The following RABGAP1L variants were observed in gnomAD, a reference collection of about 807,000 sequenced individuals.
The protein encoded by RABGAP1L is RAB GTPase activating protein 1 like.
Under a neutral mutation model 137.7 loss-of-function variants are expected in RABGAP1L, and 63 were observed. The observed-to-expected ratio is 0.46, with a 90% confidence interval of 0.37 to 0.56. The LOEUF (loss-of-function observed/expected upper bound fraction) is 0.56. RABGAP1L is among the 20% of genes least tolerant of loss of function. RABGAP1L has a pLI of 0.00. For missense variants in RABGAP1L, 1,095 were observed against 1,244.0 expected (o/e 0.88, Z 1.80); for synonymous variants, 431 against 433.7 (o/e 0.99, Z 0.08).
At chr1:174,892,380 A>G (rs1255873125) in intron 19 of RABGAP1L, 1 of 366,110 alleles carries the variant, frequency 2.7e-6, no homozygotes, top group Non-Finnish European at 5.2e-6. Flanking sequence ...ATTAGTTTCT[A>G]TTTCCAGCTC....
At chr1:174,369,629 T>A (rs2148994449) in intron 11 of RABGAP1L, among the ~76,000 whole-genome samples, 1 of 152,370 alleles carries the variant, frequency 6.6e-6, no homozygotes, top group South Asian at 2.1e-4. Flanking sequence ...TCTATTTATA[T>A]CATTCAGTTG....
intron 19 of RABGAP1L, among the ~76,000 whole-genome samples, chr1:174,833,432 A>ATG (rs1482968823): frequency 1.1e-4 from 12 of 106,056 alleles, no homozygotes; most frequent in South Asian, 3.3e-4. Context: ...GTATATATAT[A>ATG]TGTGTGTGTG....
At chr1:174,824,753 T>G (rs1691396888) in intron 19 of RABGAP1L, among the ~76,000 whole-genome samples, 1 of 152,140 alleles carries the variant, frequency 6.6e-6, no homozygotes, top group African/African-American at 2.4e-5. Context: ...TCTGGAGAAA[T>G]TGCTTATTTC....
intron 13 of RABGAP1L, among the ~76,000 whole-genome samples, chr1:174,478,723 T>A (rs1173843505): frequency 6.6e-6 from 1 of 152,234 alleles, no homozygotes; most frequent in Non-Finnish European, 1.5e-5. Context: ...TATTTATATC[T>A]TAAGTCCTTC....
intron 19 of RABGAP1L, among the ~76,000 whole-genome samples, chr1:174,834,737 A>G (rs562895112): frequency 6.6e-6 from 1 of 152,142 alleles, no homozygotes; most frequent in South Asian, 2.1e-4. Context: ...AATACATTTC[A>G]TCATAAAAAG....
In RABGAP1L at chr1:174,993,081, C is replaced by A. The variant is rs572733228; in HGVS notation, c.*3080C>A. ...CTTTTGTATCTTGAGAATCTAAACA[C>A]GTCTTTAAATCTGAAAGAAACCAAG... On this transcript the variant is annotated 3_prime_UTR_variant, in exon 26 of 26. Coordinates refer to ENST00000681986, the MANE Select transcript of RABGAP1L (RefSeq NM_001366446.1). The A allele has an allele frequency of 1.0e-3, 152 of 152,306 alleles. No homozygotes were observed. The highest frequency in any genetic ancestry group is 3.5e-3 in the African/African-American group (145 of 41,564). The allele number at this position is 152,306 out of a possible 1,614,324, so 9.4% of individuals were successfully genotyped here.
In RABGAP1L at chr1:174,304,963, A is replaced by G; in HGVS notation, c.1324-23A>G. On this transcript the variant is annotated intron_variant, in intron 10 of 25. Coordinates refer to ENST00000681986, the MANE Select transcript of RABGAP1L (RefSeq NM_001366446.1). ...TTTCCTTCAGATTTCTAATACTTAAATATACTGTTATATTTTTCTCAGTCT... is the reference window on the plus strand; with the variant it reads ...TTTCCTTCAGATTTCTAATACTTAAGTATACTGTTATATTTTTCTCAGTCT... The G allele has an allele frequency of 2.0e-6, 3 of 1,508,712 alleles. No individual in the cohort carries two copies. The South Asian group carries it at 4.0e-5, about 20-fold the overall frequency. The allele number at this position is 1,508,712 out of a possible 1,614,324, so 93.5% of individuals were successfully genotyped here. A position where few individuals can be genotyped will look rare whatever the true frequency, so the allele number is the denominator to read the frequency against.
At chr1:174,678,402 C>T (rs1677798509) in intron 14 of RABGAP1L, among the ~76,000 whole-genome samples, 1 of 151,698 alleles carries the variant, frequency 6.6e-6, no homozygotes, top group African/African-American at 2.4e-5. Flanking sequence ...ATGTGTCAGG[C>T]ATTACCAAAG....
intron 19 of RABGAP1L, among the ~76,000 whole-genome samples, chr1:174,854,531 A>T (rs866367330): frequency 2.0e-5 from 3 of 151,948 alleles, no homozygotes; most frequent in Non-Finnish European, 4.4e-5. Context: ...CCAAATGCCC[A>T]TCTCACTGGA....
intron 12 of RABGAP1L, among the ~76,000 whole-genome samples, chr1:174,387,109 G>T (rs1297451107): frequency 1.3e-5 from 2 of 152,102 alleles, no homozygotes; most frequent in African/African-American, 2.4e-5. Context: ...TACCTTTGAG[G>T]TTTATAATCA....
intron 18 of RABGAP1L, among the ~76,000 whole-genome samples, chr1:174,753,397 A>G (rs1487474880): frequency 1.3e-5 from 2 of 152,174 alleles, no homozygotes; most frequent in African/African-American, 2.4e-5. Context: ...AACCATTAAC[A>G]TAACCTTGAT....
intron 17 of RABGAP1L, among the ~76,000 whole-genome samples, chr1:174,722,142 G>A (rs1681591357): frequency 6.6e-6 from 1 of 152,096 alleles, no homozygotes; most frequent in South Asian, 2.1e-4. Flanking sequence ...ATGTTGGCCA[G>A]GATGGTCCCC....
chr1:174,348,861 T>C (rs1682710849), intron 11 of RABGAP1L, among the ~76,000 whole-genome samples: 1 of 152,176 alleles, frequency 6.6e-6, no homozygotes, highest in Non-Finnish European at 1.5e-5. Context: ...TCTACCTCTT[T>C]CTACACAGAC....
At chr1:174,627,260 C>T (rs1352431780) in intron 13 of RABGAP1L, among the ~76,000 whole-genome samples, 1 of 152,150 alleles carries the variant, frequency 6.6e-6, no homozygotes, top group African/African-American at 2.4e-5. Flanking sequence ...AAACAGTCTT[C>T]CTCACTAAAA....
At chr1:174,508,937 G>T (rs1196531294) in intron 13 of RABGAP1L, among the ~76,000 whole-genome samples, 1 of 152,000 alleles carries the variant, frequency 6.6e-6, no homozygotes, top group East Asian at 1.9e-4. Flanking sequence ...CCTGCATTTT[G>T]CATTTAATTA....
intron 1 of RABGAP1L, among the ~76,000 whole-genome samples, chr1:174,172,986 A>G (rs1665535456): frequency 6.6e-6 from 1 of 152,132 alleles, no homozygotes. Flanking sequence ...TTAAGGTTTT[A>G]TTATAGATAT....
At chr1:174,597,016 A>T (rs555524098) in intron 13 of RABGAP1L, among the ~76,000 whole-genome samples, 1 of 152,032 alleles carries the variant, frequency 6.6e-6, no homozygotes, top group African/African-American at 2.4e-5. Context: ...TGATGTTTAT[A>T]TTGATTGATT....
intron 18 of RABGAP1L, among the ~76,000 whole-genome samples, chr1:174,757,333 T>G (rs1171591146): frequency 6.6e-6 from 1 of 152,130 alleles, no homozygotes; most frequent in Non-Finnish European, 1.5e-5. Context: ...TGCATACTTA[T>G]CTGATATCTC....
intron 18 of RABGAP1L, among the ~76,000 whole-genome samples, chr1:174,775,097 C>A (rs1490587500): frequency 1.3e-5 from 2 of 152,010 alleles, no homozygotes; most frequent in Non-Finnish European, 2.9e-5. Context: ...TCTTTCAATT[C>A]GGAGGAAGAG....
Sources: allele counts gnomAD v4.1 joint callset (sites outside exome capture counted in the v4.1 genomes callset), GRCh38; gene constraint gnomAD v4.1.1; transcripts MANE v1.5; gene names NCBI Gene and HGNC (gene_info 2026-07-23, HGNC 2026-07-21).